Variants in CNTNAP5 observed in about 807,000 individuals in gnomAD.
The protein encoded by CNTNAP5 is contactin-associated protein-like 5.
CNTNAP5 carries 72 observed loss-of-function variants against 150.2 expected under a neutral mutation model. The observed-to-expected ratio is 0.48, with a 90% confidence interval of 0.40 to 0.58. The LOEUF (loss-of-function observed/expected upper bound fraction) is 0.58, where lower values mean the gene tolerates loss of function less well. Ranked by LOEUF, CNTNAP5 falls within the 20% of genes least tolerant of loss-of-function variation. The probability of loss-of-function intolerance (pLI) is 0.00; values close to 1 mark genes in which losing one functional copy is unlikely to be tolerated. For missense variants in CNTNAP5, 1,636 were observed against 1,626.2 expected (o/e 1.01, Z -0.10); for synonymous variants, 672 against 619.8 (o/e 1.08, Z -1.25).
rs576366262 is a variant in CNTNAP5, at chr2:124,341,892, G to A, written c.382-75551G>A. ...TCAAGCTGACCAGTTTTGTCTTGTA[G>A]GGCTTCAGAAAACTGATAATTTTAA... On this transcript the variant is annotated intron_variant, in intron 3 of 23. Transcript: ENST00000682447. Among the ~76,000 whole-genome samples, 3 of 152,192 alleles carry A rather than the reference G, an allele frequency of 2.0e-5. No individual in the cohort carries two copies. In the East Asian group the frequency reaches 5.8e-4, roughly 29 times the overall value.
At chr2:124,670,981 T>G (rs899424673) in intron 13 of CNTNAP5, among the ~76,000 whole-genome samples, 2 of 152,204 alleles carry the variant, frequency 1.3e-5, no homozygotes, top group Non-Finnish European at 2.9e-5. Flanking sequence ...TCTGTTCATG[T>G]GTGATTGTAT....
rs969676278 is a variant in CNTNAP5 at position 124,589,198 on chromosome 2, C to T, written c.1757-20603C>T. 5.9e-5 allele frequency among the ~76,000 whole-genome samples: 9 copies of T among 152,254 alleles called. No individual in the cohort carries two copies. The South Asian group carries it at 1.9e-3, about 32-fold the overall frequency. The stretch of plus-strand genomic sequence containing the variant: ...TGGTAAGTCATTCCTCATCTCCCCT[C>T]CACCACCCCCAGCCCCTGCAGTCAC... On this transcript the variant is annotated intron_variant, in intron 11 of 23. Transcript: ENST00000682447.
At chr2:124,245,798 A>G (rs78786515) in intron 3 of CNTNAP5, among the ~76,000 whole-genome samples, 2,134 of 152,064 alleles carry the variant, frequency 0.014, 57 homozygotes, top group African/African-American at 0.049. Context: ...GGCACTTATC[A>G]TAGCTGACTG....
intron 19 of CNTNAP5, among the ~76,000 whole-genome samples, chr2:124,831,368 C>CCATTCCATTCATATA (rs1479068182): frequency 6.6e-6 from 1 of 151,806 alleles, no homozygotes; most frequent in Admixed American, 6.6e-5. Flanking sequence ...ATCATCATAT[C>CCATTCCATTCATATA]CATTCCATTC....
Position 124,759,376 on chromosome 2 carries a change from TTA to T in CNTNAP5, c.2235-4285_2235-4284del, listed in dbSNP as rs905233190. ...TATATATATTCATTATATATATTTA[TTA>T]TATATATATAAATTATATATATATC... On this transcript the variant is annotated intron_variant, in intron 14 of 23. Transcript: ENST00000682447. Among the ~76,000 whole-genome samples the T allele has an allele frequency of 2.8e-4, 41 of 146,612 alleles. 1 individual carries two copies. The highest frequency in any genetic ancestry group is 7.2e-4 in the African/African-American group (29 of 40,224).
At chr2:124,674,121 A>T (rs1678879020) in intron 13 of CNTNAP5, among the ~76,000 whole-genome samples, 1 of 152,062 alleles carries the variant, frequency 6.6e-6, no homozygotes, top group African/African-American at 2.4e-5. Flanking sequence ...TTTCTTGCTC[A>T]ATCAAGCTAA....
rs1553480429 is a variant in CNTNAP5, at chr2:124,567,856, GAT to G, written c.1756+4535_1756+4536del. Among the ~76,000 whole-genome samples, 37 of 112,464 alleles carry G rather than the reference GAT, an allele frequency of 3.3e-4. No individual in the cohort carries two copies. In the South Asian group the frequency reaches 3.5e-3, roughly 11 times the overall value. The allele number at this position is 112,464 out of a possible 152,430, so 73.8% of individuals were successfully genotyped here. On this transcript the variant is annotated intron_variant, in intron 11 of 23. Transcript: ENST00000682447. ...TAGATGATAGATAGATAGATAGATA[GAT>G]AGATAGATAGATAGATAGATAGATA... is the stretch of plus-strand genomic sequence containing the variant.
chr2:124,422,478 T>A (rs1692128584), intron 4 of CNTNAP5, among the ~76,000 whole-genome samples: 1 of 152,190 alleles, frequency 6.6e-6, no homozygotes, highest in Non-Finnish European at 1.5e-5. Context: ...ACTTTTCTTG[T>A]GATTACATGT....
At chr2:124,775,847 C>T (rs970584547) in intron 17 of CNTNAP5, among the ~76,000 whole-genome samples, 12 of 152,098 alleles carry the variant, frequency 7.9e-5, no homozygotes, top group African/African-American at 2.4e-4. Flanking sequence ...TCAATAGTAC[C>T]GCCCCTTCTG....
At chr2:124,712,438 G>T (rs908862206) in intron 13 of CNTNAP5, among the ~76,000 whole-genome samples, 11 of 152,202 alleles carry the variant, frequency 7.2e-5, no homozygotes, top group Admixed American at 2.0e-4. Context: ...TATCCAAGCT[G>T]CCTGATTTGG....
chr2:124,584,292 C>T (rs1028250486), intron 11 of CNTNAP5, among the ~76,000 whole-genome samples: 2 of 152,094 alleles, frequency 1.3e-5, no homozygotes, highest in East Asian at 1.9e-4. Context: ...CTTTCTGCCT[C>T]GGTTTTCCTG....
chr2:124,307,196 C>T (rs1688714455), intron 3 of CNTNAP5, among the ~76,000 whole-genome samples: 6 of 152,182 alleles, frequency 3.9e-5, no homozygotes, highest in Admixed American at 3.9e-4. Flanking sequence ...TTTTTGCTTA[C>T]TGCCTTCTTA....
chr2:124,537,187 G>A (rs1225588170), intron 10 of CNTNAP5, among the ~76,000 whole-genome samples: 1 of 152,192 alleles, frequency 6.6e-6, no homozygotes, highest in Non-Finnish European at 1.5e-5. Context: ...CAGCCTATAT[G>A]TGGTAGAGCC....
At chr2:124,842,355 C>A (rs190950588) in intron 19 of CNTNAP5, among the ~76,000 whole-genome samples, 80 of 152,206 alleles carry the variant, frequency 5.3e-4, no homozygotes, top group Middle Eastern at 3.4e-3. Flanking sequence ...AAAGGGCAGG[C>A]CTGAACCAAG....
intron 16 of CNTNAP5, among the ~76,000 whole-genome samples, chr2:124,772,579 C>T (rs1438899091): frequency 6.6e-6 from 1 of 152,134 alleles, no homozygotes; most frequent in African/African-American, 2.4e-5. Flanking sequence ...TATCCTGTTT[C>T]CTGAATTTGC....
At chr2:124,236,320 G>A (rs1686745643) in intron 2 of CNTNAP5, among the ~76,000 whole-genome samples, 1 of 152,170 alleles carries the variant, frequency 6.6e-6, no homozygotes. Flanking sequence ...GGAAGTGCAG[G>A]AGGCGTGGCC....
intron 4 of CNTNAP5, among the ~76,000 whole-genome samples, chr2:124,427,289 G>A (rs1231949085): frequency 6.6e-6 from 1 of 152,042 alleles, no homozygotes; most frequent in Non-Finnish European, 1.5e-5. Context: ...GGATTATGCA[G>A]GCTGACCATG....
intron 3 of CNTNAP5, among the ~76,000 whole-genome samples, chr2:124,368,166 A>T (rs1476459536): frequency 6.6e-6 from 1 of 152,246 alleles, no homozygotes; most frequent in African/African-American, 2.4e-5. Context: ...AAGTTTGATT[A>T]GTGCAATCCT....
intron 3 of CNTNAP5, among the ~76,000 whole-genome samples, chr2:124,367,327 G>A (rs946652244): frequency 6.6e-6 from 1 of 152,098 alleles, no homozygotes; most frequent in Non-Finnish European, 1.5e-5. Flanking sequence ...TGCAGGGCTG[G>A]GGAGGCCTCA....
Sources: allele counts gnomAD v4.1 joint callset (sites outside exome capture counted in the v4.1 genomes callset), GRCh38; gene constraint gnomAD v4.1.1; transcripts MANE v1.5; gene names NCBI Gene and HGNC (gene_info 2026-07-23, HGNC 2026-07-21).